ATXN7L1: variants seen among roughly 807,000 people sequenced by gnomAD.
ATXN7L1 encodes ataxin 7 like 1.
Under a neutral mutation model 70.8 loss-of-function variants are expected in ATXN7L1, and 15 were observed. The ratio of observed to expected loss-of-function variants is 0.21; its 90% confidence interval spans 0.14 to 0.33. ATXN7L1 has a LOEUF of 0.33. Ranked by LOEUF, ATXN7L1 falls within the 10% of genes least tolerant of loss-of-function variation. The pLI, the probability that ATXN7L1 is intolerant of heterozygous loss-of-function variation, is 1.00. For missense variants in ATXN7L1, 975 were observed against 1,097.1 expected (o/e 0.89, Z 1.57); for synonymous variants, 440 against 445.1 (o/e 0.99, Z 0.14).
intron 2 of ATXN7L1, among the ~76,000 whole-genome samples, chr7:105,831,477 C>G (rs1811585769): frequency 6.6e-6 from 1 of 152,178 alleles, no homozygotes; most frequent in South Asian, 2.1e-4. Flanking sequence ...TCTGCTGACA[C>G]CCACTATAAA....
chr7:105,750,382 C>A lies in ATXN7L1; in HGVS notation c.355+38222G>T, dbSNP rs917915625. Among the ~76,000 whole-genome samples the A allele has an allele frequency of 3.3e-5, 5 of 151,400 alleles. 1 individual carries two copies. The highest frequency in any genetic ancestry group is 7.4e-5 in the Non-Finnish European group (5 of 67,834). The stretch of plus-strand genomic sequence containing the variant: ...GCCTTGACCTCCCGGCTCAAGTGAT[C>A]CTCCTGCCTCAGTTTCTTGAGTAGC... On this transcript the variant is annotated intron_variant, in intron 3 of 11. Transcript: ENST00000419735.
Position 105,613,959 on chromosome 7 carries a change from A to C in ATXN7L1, c.2375T>G (p.Ile792Ser). ...NSSSSSKACK[I>S]TKMPGMNSVH... ...GCTATTCATACCAGGCATTTTAGTG[A>C]TTTTACAGGCTTTGCTACTAGAACT... Residue 792 changes from isoleucine (I) to serine (S), a missense_variant, in exon 10 of 12, where the codon ATC (isoleucine) becomes AGC (serine). Transcript: ENST00000419735. 6.4e-7 allele frequency: 1 copy of C among 1,552,158 alleles called. No individual in the cohort carries two copies.
At chr7:105,847,968 G>A (rs1230564790) in intron 2 of ATXN7L1, among the ~76,000 whole-genome samples, 1 of 152,162 alleles carries the variant, frequency 6.6e-6, no homozygotes, top group Non-Finnish European at 1.5e-5. Flanking sequence ...AAATGTTTGA[G>A]CATTAAGATT....
At chr7:105,631,313 C>T (rs1175679747) in intron 7 of ATXN7L1, among the ~76,000 whole-genome samples, 3 of 152,132 alleles carry the variant, frequency 2.0e-5, no homozygotes, top group Non-Finnish European at 2.9e-5. Context: ...ACCTCTAGGA[C>T]ATTCCTAGAG....
intron 9 of ATXN7L1, among the ~76,000 whole-genome samples, chr7:105,617,562 G>T (rs1402550909): frequency 6.6e-6 from 1 of 152,168 alleles, no homozygotes; most frequent in East Asian, 1.9e-4. Flanking sequence ...AGGGTGAGGG[G>T]CATGTGGCAG....
At chr7:105,852,379 C>A (rs909848178) in intron 2 of ATXN7L1, among the ~76,000 whole-genome samples, 2 of 152,198 alleles carry the variant, frequency 1.3e-5, no homozygotes, top group Admixed American at 6.5e-5. Flanking sequence ...CTCTGCCCAG[C>A]AATCTGCTGC....
intron 2 of ATXN7L1, among the ~76,000 whole-genome samples, chr7:105,862,485 T>C (rs1816784256): frequency 6.6e-6 from 1 of 152,124 alleles, no homozygotes; most frequent in Non-Finnish European, 1.5e-5. Flanking sequence ...ATCACCCTCT[T>C]CTTGACAGTC....
chr7:105,871,842 G>A (rs369973899), intron 2 of ATXN7L1, among the ~76,000 whole-genome samples: 10 of 152,092 alleles, frequency 6.6e-5, no homozygotes, highest in African/African-American at 2.4e-4. Flanking sequence ...TACTTTATAG[G>A]TGGAGAACTG....
intron 3 of ATXN7L1, among the ~76,000 whole-genome samples, chr7:105,678,685 G>A (rs1417929049): frequency 2.0e-5 from 3 of 152,168 alleles, no homozygotes; most frequent in Admixed American, 6.5e-5. Flanking sequence ...GGGTTGACAC[G>A]CCGGGAAGGT....
chr7:105,815,928 A>T (rs898408112), intron 2 of ATXN7L1, among the ~76,000 whole-genome samples: 1 of 152,234 alleles, frequency 6.6e-6, no homozygotes, highest in Non-Finnish European at 1.5e-5. Flanking sequence ...CTCATAGACA[A>T]AGCGGTCTTT....
intron 2 of ATXN7L1, among the ~76,000 whole-genome samples, chr7:105,870,462 TTAA>T (rs1818089871): frequency 1.3e-5 from 2 of 152,308 alleles, no homozygotes; most frequent in East Asian, 1.9e-4. Flanking sequence ...GCTAGCTTCA[TTAA>T]TAATGATAAT....
intron 5 of ATXN7L1, among the ~76,000 whole-genome samples, chr7:105,642,361 G>A (rs1309146634): frequency 3.9e-5 from 6 of 152,272 alleles, no homozygotes; most frequent in African/African-American, 7.2e-5. Flanking sequence ...GGAAACTCCC[G>A]AGGCCAAAGG....
At chr7:105,611,885 C>T (rs1793185998) in intron 10 of ATXN7L1, among the ~76,000 whole-genome samples, 2 of 152,200 alleles carry the variant, frequency 1.3e-5, no homozygotes, top group South Asian at 4.1e-4. Flanking sequence ...ACTTGGAAAT[C>T]ACCAGTGATA....
chr7:105,790,844 C>T (rs777954796), intron 2 of ATXN7L1, among the ~76,000 whole-genome samples: 1 of 152,134 alleles, frequency 6.6e-6, no homozygotes. Context: ...AGAGGGCAGC[C>T]ATGAACACTG....
At chr7:105,803,750 C>A (rs149823667) in intron 2 of ATXN7L1, among the ~76,000 whole-genome samples, 2 of 152,184 alleles carry the variant, frequency 1.3e-5, no homozygotes, top group African/African-American at 4.8e-5. Flanking sequence ...CTGTTCAACC[C>A]GGCACTGGCC....
intron 3 of ATXN7L1, among the ~76,000 whole-genome samples, chr7:105,691,057 G>A (rs1326414343): frequency 6.6e-6 from 1 of 152,200 alleles, no homozygotes; most frequent in Admixed American, 6.5e-5. Flanking sequence ...CTAAGGTCCA[G>A]TAACTTCCCT....
chr7:105,827,612 G>C (rs927881906), intron 2 of ATXN7L1, among the ~76,000 whole-genome samples: 1 of 152,146 alleles, frequency 6.6e-6, no homozygotes, highest in African/African-American at 2.4e-5. Flanking sequence ...TTCGGGTTCC[G>C]CAAGGCCGAC....
intron 3 of ATXN7L1, among the ~76,000 whole-genome samples, chr7:105,666,469 TC>T (rs1051231079): frequency 1.3e-4 from 20 of 152,346 alleles, no homozygotes; most frequent in African/African-American, 4.3e-4. Context: ...AGGGCACCTT[TC>T]CTGGTTGCTT....
At chr7:105,678,065 C>T (rs533912737) in intron 3 of ATXN7L1, 2 of 942,968 alleles carry the variant, frequency 2.1e-6, no homozygotes, top group East Asian at 2.3e-4. Flanking sequence ...TGGTTATGCC[C>T]TGTCAACATA....
Sources: gnomAD v4.1 joint callset for allele counts (sites outside exome capture counted in the v4.1 genomes callset) on GRCh38, gnomAD v4.1.1 for gene constraint, MANE v1.5 for transcripts, NCBI Gene and HGNC (gene_info 2026-07-23, HGNC 2026-07-21) for gene names.